The following DLG2 variants were observed in gnomAD, a reference collection of about 807,000 sequenced individuals.
DLG2 encodes the protein disks large homolog 2.
A neutral mutation model predicts 132.5 loss-of-function variants in DLG2; 45 were observed. That is an observed-to-expected ratio of 0.34 (90% CI 0.27 to 0.44). The LOEUF (loss-of-function observed/expected upper bound fraction) is 0.44. DLG2 is among the 20% of genes least tolerant of loss of function. The probability of loss-of-function intolerance (pLI) is 1.00; values close to 1 mark genes in which losing one functional copy is unlikely to be tolerated. For synonymous variants in DLG2, 424 were observed against 419.6 expected (o/e 1.01, Z -0.13); for missense variants, 1,045 against 1,196.9 (o/e 0.87, Z 1.87).
chr11:85,207,434 C>G (rs1008119350), intron 4 of DLG2, among the ~76,000 whole-genome samples: 2 of 152,128 alleles, frequency 1.3e-5, no homozygotes, highest in African/African-American at 4.8e-5. Context: ...AGCTGTAATG[C>G]AAAAACTACT....
chr11:83,959,924 G>A (rs1023023668), intron 14 of DLG2, among the ~76,000 whole-genome samples: 3 of 152,032 alleles, frequency 2.0e-5, no homozygotes, highest in African/African-American at 7.2e-5. Flanking sequence ...ACGGTGAATA[G>A]TAATGATCCT....
At chr11:84,931,147 C>A (rs1043587677) in intron 6 of DLG2, among the ~76,000 whole-genome samples, 2 of 152,116 alleles carry the variant, frequency 1.3e-5, no homozygotes, top group South Asian at 2.1e-4. Context: ...TTCCCCACCA[C>A]AACCTTTCAG....
At chr11:85,267,562 C>A (rs1481046083) in intron 4 of DLG2, among the ~76,000 whole-genome samples, 1 of 151,912 alleles carries the variant, frequency 6.6e-6, no homozygotes, top group Non-Finnish European at 1.5e-5. Flanking sequence ...TTGATGTTGT[C>A]AAATAATCTG....
intron 6 of DLG2, among the ~76,000 whole-genome samples, chr11:84,905,424 C>T (rs2091393001): frequency 6.6e-6 from 1 of 152,164 alleles, no homozygotes; most frequent in African/African-American, 2.4e-5. Context: ...TAACACAATA[C>T]ACTTCTGAGA....
chr11:83,496,327 A>T (rs2094148283), intron 21 of DLG2, among the ~76,000 whole-genome samples: 1 of 152,058 alleles, frequency 6.6e-6, no homozygotes, highest in South Asian at 2.1e-4. Flanking sequence ...AGTGTTAATA[A>T]GACATGGAGC....
At chr11:84,625,864 A>G (rs989212430) in intron 6 of DLG2, among the ~76,000 whole-genome samples, 7 of 152,182 alleles carry the variant, frequency 4.6e-5, no homozygotes, top group African/African-American at 1.7e-4. Context: ...GAATAACCAC[A>G]AGTGCAGTCT....
chr11:83,907,818 A>C (rs2075303147), intron 15 of DLG2, among the ~76,000 whole-genome samples: 1 of 152,140 alleles, frequency 6.6e-6, no homozygotes. Context: ...TTTTATATAC[A>C]GTTCTAGTTT....
chr11:83,916,921 G>A (rs988187335), intron 15 of DLG2, among the ~76,000 whole-genome samples: 1 of 152,132 alleles, frequency 6.6e-6, no homozygotes, highest in Admixed American at 6.5e-5. Context: ...TGGTGTGACT[G>A]TGTGATCTTG....
intron 7 of DLG2, among the ~76,000 whole-genome samples, chr11:84,441,038 T>C (rs1243118028): frequency 2.0e-5 from 3 of 152,164 alleles, no homozygotes; most frequent in South Asian, 2.1e-4. Flanking sequence ...AGTAAGTTAA[T>C]GTAAAAAATT....
At chr11:84,528,425 C>G (rs1591624106) in intron 7 of DLG2, among the ~76,000 whole-genome samples, 2 of 152,226 alleles carry the variant, frequency 1.3e-5, no homozygotes, top group Non-Finnish European at 2.9e-5. Context: ...ATCTTAGAAC[C>G]AAGGCTTCAA....
intron 10 of DLG2, among the ~76,000 whole-genome samples, chr11:84,086,172 G>A (rs2096976668): frequency 6.6e-6 from 1 of 152,142 alleles, no homozygotes; most frequent in African/African-American, 2.4e-5. Context: ...TTCTTTAACA[G>A]ATTCAAGAAC....
intron 4 of DLG2, among the ~76,000 whole-genome samples, chr11:85,185,324 T>C (rs1422987240): frequency 6.6e-6 from 1 of 152,034 alleles, no homozygotes; most frequent in African/African-American, 2.4e-5. Flanking sequence ...CATTATGTTA[T>C]CTTTACCTGA....
At chr11:85,122,004 GA>G (rs2074385368) in intron 5 of DLG2, among the ~76,000 whole-genome samples, 2 of 152,080 alleles carry the variant, frequency 1.3e-5, no homozygotes, top group South Asian at 4.1e-4. Flanking sequence ...GAGGAAGGAA[GA>G]ATTTCACCCA....
chr11:84,007,063 C>A (rs931765909), intron 11 of DLG2, among the ~76,000 whole-genome samples: 1 of 151,798 alleles, frequency 6.6e-6, no homozygotes, highest in Middle Eastern at 3.4e-3. Context: ...CACTCGATCA[C>A]CCTTATAGGG....
At chr11:83,796,972 G>A (rs1038128027) in intron 17 of DLG2, among the ~76,000 whole-genome samples, 3 of 152,136 alleles carry the variant, frequency 2.0e-5, no homozygotes, top group African/African-American at 7.2e-5. Flanking sequence ...GAGGAGGAAT[G>A]AGCTTTCCTG....
At chr11:84,980,469 A>G (rs2055578590) in intron 6 of DLG2, among the ~76,000 whole-genome samples, 1 of 152,120 alleles carries the variant, frequency 6.6e-6, no homozygotes, top group Non-Finnish European at 1.5e-5. Context: ...TATCCTAAAA[A>G]GGCTCATCAC....
At chr11:85,398,922 C>A in intron 3 of DLG2, among the ~76,000 whole-genome samples, 1 of 151,756 alleles carries the variant, frequency 6.6e-6, no homozygotes, top group Non-Finnish European at 1.5e-5. Flanking sequence ...ACACTATGTT[C>A]TGGCCAGGGC....
chr11:85,175,547 T>C (rs1280615593), intron 4 of DLG2, among the ~76,000 whole-genome samples: 1 of 152,130 alleles, frequency 6.6e-6, no homozygotes, highest in Non-Finnish European at 1.5e-5. Flanking sequence ...CCTTGAAAAC[T>C]GGCACAAGAC....
At chr11:84,430,706 A>G (rs887251364) in intron 7 of DLG2, among the ~76,000 whole-genome samples, 1 of 151,984 alleles carries the variant, frequency 6.6e-6, no homozygotes, top group Non-Finnish European at 1.5e-5. Context: ...TGACCTTATA[A>G]CAGTTGTGCT....
Sources: allele counts gnomAD v4.1 joint callset (sites outside exome capture counted in the v4.1 genomes callset), GRCh38; gene constraint gnomAD v4.1.1; transcripts MANE v1.5; gene names NCBI Gene and HGNC (gene_info 2026-07-23, HGNC 2026-07-21).